Variants in DROSHA observed in about 807,000 individuals in gnomAD.
DROSHA encodes drosha ribonuclease III, also known as ribonuclease 3.
A neutral mutation model predicts 181.9 loss-of-function variants in DROSHA; 56 were observed. The observed-to-expected ratio is 0.31, with a 90% confidence interval of 0.25 to 0.38. The LOEUF (loss-of-function observed/expected upper bound fraction) is 0.38, where lower values mean the gene tolerates loss of function less well. Among genes scored for constraint, DROSHA ranks in the 10% least tolerant of loss-of-function variants. The pLI is 1.00. For synonymous variants in DROSHA, 524 were observed against 591.2 expected (o/e 0.89, Z 1.65); for missense variants, 1,218 against 1,743.5 (o/e 0.70, Z 5.37).
intron 14 of DROSHA, 87 bp from the exon 15 acceptor site, chr5:31,485,049 A>G: frequency 1.1e-6 from 1 of 936,482 alleles, no homozygotes; most frequent in Non-Finnish European, 1.6e-6. Context: ...AAGTGTCTTT[A>G]AAAGTGTCTG....
intron 21 of DROSHA, 143 bp downstream of exon 21, chr5:31,451,390 C>T: frequency 1.5e-6 from 1 of 650,054 alleles, no homozygotes; most frequent in South Asian, 2.4e-5. Flanking sequence ...CAGAGGCAAC[C>T]AGGGTAGAGC....
intron 5 of DROSHA, among the ~76,000 whole-genome samples, chr5:31,523,138 T>C (rs1424702392): frequency 6.6e-6 from 1 of 152,236 alleles, no homozygotes; most frequent in East Asian, 1.9e-4. Flanking sequence ...TATTAGGACT[T>C]CATGTGCTCC....
chr5:31,524,242 T>C (rs1451104193), intron 5 of DROSHA, among the ~76,000 whole-genome samples: 1 of 152,198 alleles, frequency 6.6e-6, no homozygotes, highest in Non-Finnish European at 1.5e-5. Context: ...CTCTCTTCAG[T>C]GCAGAGAATG....
chr5:31,438,595 G>A (rs1009857469), intron 23 of DROSHA, among the ~76,000 whole-genome samples: 4 of 152,036 alleles, frequency 2.6e-5, no homozygotes, highest in Non-Finnish European at 5.9e-5. Context: ...AAAGCAAGAG[G>A]TGCATTTTGG....
chr5:31,455,664 G>A (rs913176251), intron 20 of DROSHA, among the ~76,000 whole-genome samples: 21 of 144,940 alleles, frequency 1.4e-4, no homozygotes, highest in Non-Finnish European at 2.6e-4. Context: ...TTTTTGAGAC[G>A]GGGTCTCACT....
At chr5:31,427,819 T>C (rs2149999601) in intron 27 of DROSHA, among the ~76,000 whole-genome samples, 1 of 152,346 alleles carries the variant, frequency 6.6e-6, no homozygotes, top group Admixed American at 6.5e-5. Flanking sequence ...ATTGGTTCAC[T>C]AACATCTCTC....
intron 5 of DROSHA, among the ~76,000 whole-genome samples, chr5:31,522,554 T>C (rs753894504): frequency 1.3e-5 from 2 of 152,232 alleles, no homozygotes; most frequent in Non-Finnish European, 2.9e-5. Flanking sequence ...AAGACCAATT[T>C]GGATATAAAT....
At chr5:31,443,769 A>G (rs907233547) in intron 23 of DROSHA, among the ~76,000 whole-genome samples, 5 of 152,184 alleles carry the variant, frequency 3.3e-5, no homozygotes, top group Admixed American at 2.0e-4. Context: ...AGCCATTTAA[A>G]CTGCTGACCG....
intron 27 of DROSHA, 141 bp downstream of exon 27, chr5:31,429,334 T>G (rs1743857879): frequency 1.6e-6 from 1 of 644,510 alleles, no homozygotes; most frequent in Non-Finnish European, 2.4e-6. Flanking sequence ...TAAGCCATTT[T>G]GGTGTATTGA....
At chr5:31,455,210 G>T (rs979992691) in intron 20 of DROSHA, among the ~76,000 whole-genome samples, 2 of 151,800 alleles carry the variant, frequency 1.3e-5, no homozygotes, top group African/African-American at 4.8e-5. Context: ...AAATAGAAAT[G>T]AAGACTTCAA....
intron 15 of DROSHA, among the ~76,000 whole-genome samples, chr5:31,484,242 T>C (rs904119735): frequency 6.6e-6 from 1 of 151,386 alleles, no homozygotes; most frequent in African/African-American, 2.4e-5. Context: ...GGCGTAGTGG[T>C]GGGCGCCTGT....
intron 23 of DROSHA, among the ~76,000 whole-genome samples, chr5:31,439,193 A>G (rs904070266): frequency 1.3e-5 from 2 of 152,204 alleles, no homozygotes; most frequent in Non-Finnish European, 1.5e-5. Flanking sequence ...CTGGCCAACC[A>G]CAATCTAAAA....
At chr5:31,471,039 T>C (rs1255909562) in intron 17 of DROSHA, among the ~76,000 whole-genome samples, 3 of 152,356 alleles carry the variant, frequency 2.0e-5, no homozygotes, top group Non-Finnish European at 2.9e-5. Flanking sequence ...GTAAAAATTA[T>C]ACGATTTTCT....
At chr5:31,412,680 C>T (rs1399683636) in intron 30 of DROSHA, among the ~76,000 whole-genome samples, 1 of 152,160 alleles carries the variant, frequency 6.6e-6, no homozygotes, top group Non-Finnish European at 1.5e-5. Flanking sequence ...CCTGTCTCCC[C>T]CTTAGTCCCA....
In DROSHA at chr5:31,514,143, A is replaced by G. The variant is rs1477942911; in HGVS notation, c.1290+845T>C. Among the ~76,000 whole-genome samples the G allele has an allele frequency of 6.6e-6, 1 of 152,110 alleles. No homozygotes were observed. The highest frequency in any genetic ancestry group is 1.5e-5 in the Non-Finnish European group (1 of 68,026). On this transcript the variant is annotated intron_variant, in intron 8 of 35. Transcript: ENST00000344624. The surrounding 1 kb of genome is among the most constrained non-coding windows in gnomAD (Gnocchi z 4.4). ...CAAAACTAGCCAATATGCATGGGCAACTTCGTAGGGTTGGTGCTCTTTTGG... is the reference window on the plus strand; with the variant it reads ...CAAAACTAGCCAATATGCATGGGCAGCTTCGTAGGGTTGGTGCTCTTTTGG...
Position 31,409,271 on chromosome 5 carries a change from G to A in DROSHA, c.3729C>T (p.Val1243=). The change falls in exon 32 of 36, where the codon GTC becomes GTT. Residue 1243 remains valine (V), a synonymous_variant. Transcript: ENST00000344624. The surrounding 1 kb of genome is among the most constrained non-coding windows in gnomAD (Gnocchi z 4.0). ...TTACTTTCAATCGTGGAAAGAAGCA[G>A]ACATTCATGAAAGTATGAACATATT... ...DLEYVHTFMN[V]CFFPRLKEFI... is the part of the protein sequence containing the mutation. The A allele has an allele frequency of 1.3e-6, 2 of 1,595,312 alleles. No homozygotes were observed. Among genetic ancestry groups the A allele is most frequent in the Non-Finnish European group, 1.7e-6 (2 of 1,170,178 alleles).
At position 31,463,897 on chromosome 5, in the gene DROSHA, T is replaced by C. The variant is rs560605125; in HGVS notation, c.2574+339A>G. Among the ~76,000 whole-genome samples the C allele has an allele frequency of 2.6e-5, 4 of 152,262 alleles. No individual in the cohort carries two copies. The East Asian group carries it at 5.8e-4, about 22-fold the overall frequency. Reference sequence around the variant, plus strand: ...TATGGCTGCTGGATTATCTCTTTTGTATAAGCACCTATACATGTGCTGCAA... The same window carrying C: ...TATGGCTGCTGGATTATCTCTTTTGCATAAGCACCTATACATGTGCTGCAA... On this transcript the variant is annotated intron_variant, in intron 20 of 35. Coordinates refer to ENST00000344624, the MANE Select transcript of DROSHA (RefSeq NM_001382508.1).
chr5:31,470,761 A>G lies in DROSHA; in HGVS notation c.2241+1302T>C, dbSNP rs1352297531. ...GATTTCAGGAAAACGTAACTATACCATGGAAGGAAGTCCAGGGTGAACGTG... is the reference window on the plus strand; with the variant it reads ...GATTTCAGGAAAACGTAACTATACCGTGGAAGGAAGTCCAGGGTGAACGTG... On this transcript the variant is annotated intron_variant, in intron 17 of 35. Coordinates refer to ENST00000344624, the MANE Select transcript of DROSHA (RefSeq NM_001382508.1). This position sits in a 1 kb window ranked among gnomAD's most constrained non-coding sequence, Gnocchi z 4.0. Among the ~76,000 whole-genome samples the G allele has an allele frequency of 3.9e-5, 6 of 152,090 alleles. No homozygotes were observed. The highest frequency in any genetic ancestry group is 1.4e-4 in the African/African-American group (6 of 41,414).
intron 33 of DROSHA, chr5:31,408,654 C>T (rs7723315): frequency 1.2e-5 from 2 of 167,470 alleles, no homozygotes; most frequent in Admixed American, 5.6e-5. Context: ...ACCCAAATAT[C>T]GCTACAAATA....
Sources: gnomAD v4.1 joint callset for allele counts (sites outside exome capture counted in the v4.1 genomes callset) on GRCh38, gnomAD v4.1.1 for gene constraint, Gnocchi (gnomAD v3.1) non-coding constraint, MANE v1.5 for transcripts, NCBI Gene and HGNC (gene_info 2026-07-23, HGNC 2026-07-21) for gene names.